Variants in COL24A1 observed in about 807,000 individuals in gnomAD.
The protein encoded by COL24A1 is collagen type XXIV alpha 1 chain, also known as collagen alpha-1(XXIV) chain.
A neutral mutation model predicts 253.9 loss-of-function variants in COL24A1; 224 were observed. That is an observed-to-expected ratio of 0.88 (90% CI 0.79 to 0.99). The LOEUF (loss-of-function observed/expected upper bound fraction) is 0.99, where lower values mean the gene tolerates loss of function less well. Ranked by LOEUF, COL24A1 falls within the 50% of genes least tolerant of loss-of-function variation. The probability of loss-of-function intolerance (pLI) is 0.00; values close to 1 mark genes in which losing one functional copy is unlikely to be tolerated. For missense variants in COL24A1, 2,131 were observed against 2,068.5 expected, an observed-to-expected ratio of 1.03 and a Z score of -0.59; for synonymous variants, 685 against 673.7, an observed-to-expected ratio of 1.02 and a Z score of -0.26.
chr1:85,926,883 T>C (rs554345820), intron 24 of COL24A1, among the ~76,000 whole-genome samples: 4 of 152,064 alleles, frequency 2.6e-5, no homozygotes, highest in Non-Finnish European at 4.4e-5. Flanking sequence ...CAAAGAAAGA[T>C]ACAGAAAATA....
intron 57 of COL24A1, among the ~76,000 whole-genome samples, chr1:85,743,704 C>G (rs951136474): frequency 6.6e-6 from 1 of 151,984 alleles, no homozygotes; most frequent in Non-Finnish European, 1.5e-5. Flanking sequence ...CTTTAATGCC[C>G]TCAAATATGG....
chr1:85,838,179 AG>A (rs1321469943), intron 43 of COL24A1, among the ~76,000 whole-genome samples: 1 of 120,836 alleles, frequency 8.3e-6, no homozygotes, highest in African/African-American at 3.5e-5. Context: ...ATGAGAGACA[AG>A]ATTTTTTTTC....
chr1:85,902,263 T>G (rs887233297), intron 28 of COL24A1, among the ~76,000 whole-genome samples: 4 of 152,204 alleles, frequency 2.6e-5, no homozygotes, highest in African/African-American at 9.7e-5. Flanking sequence ...GGCTACCTTC[T>G]CCATACCAGT....
intron 1 of COL24A1, among the ~76,000 whole-genome samples, chr1:86,152,953 G>A (rs1652975571): frequency 6.6e-6 from 1 of 152,080 alleles, no homozygotes; most frequent in Non-Finnish European, 1.5e-5. Context: ...ACCTCTGCTT[G>A]TTAAACATGG....
intron 18 of COL24A1, among the ~76,000 whole-genome samples, chr1:86,018,313 T>C (rs886979923): frequency 2.0e-4 from 30 of 152,318 alleles, no homozygotes; most frequent in African/African-American, 6.5e-4. Context: ...CATAAACTAC[T>C]GCAATCAAAT....
At position 85,759,945 on chromosome 1, in the gene COL24A1, T is replaced by C. The variant is rs548998126; in HGVS notation, c.4437+1451A>G. On this transcript the variant is annotated intron_variant, in intron 55 of 59. Coordinates refer to ENST00000370571, the MANE Select transcript of COL24A1 (RefSeq NM_152890.7). ...GAGCTATGATATATCAAAGTCATTA[T>C]AATTTGGGAAGGCAATTAATGAGGG... Among the ~76,000 whole-genome samples, 5 of 152,366 alleles carry C rather than the reference T, an allele frequency of 3.3e-5. No individual in the cohort carries two copies. In the East Asian group the frequency reaches 9.6e-4, roughly 29 times the overall value.
chr1:86,148,137 C>A (rs1373811458), intron 1 of COL24A1, among the ~76,000 whole-genome samples: 4 of 152,150 alleles, frequency 2.6e-5, no homozygotes, highest in Non-Finnish European at 4.4e-5. Context: ...CTTTTTACCC[C>A]TTGGCTGCAC....
At chr1:86,156,028 T>C (rs1653553453) in intron 1 of COL24A1, 1 of 273,202 alleles carries the variant, frequency 3.7e-6, no homozygotes, top group African/African-American at 2.2e-5. Context: ...AGAGAGATCG[T>C]CGGAGCCCAG....
chr1:86,106,720 C>T (rs1363240768), intron 5 of COL24A1, among the ~76,000 whole-genome samples: 1 of 151,988 alleles, frequency 6.6e-6, no homozygotes, highest in Non-Finnish European at 1.5e-5. Flanking sequence ...AGAAAAAAGC[C>T]ATTCTCTCTG....
chr1:85,907,172 C>A, intron 28 of COL24A1, 22 bp downstream of exon 28: 1 of 1,603,234 alleles, frequency 6.2e-7, no homozygotes, highest in Non-Finnish European at 8.5e-7. Context: ...GGTTAATGTA[C>A]TTTTTTCCTT....
At chr1:85,863,482 T>C (rs1679403325) in intron 37 of COL24A1, among the ~76,000 whole-genome samples, 1 of 152,146 alleles carries the variant, frequency 6.6e-6, no homozygotes. Flanking sequence ...ATTCAGGACA[T>C]AGGCATGGGC....
chr1:86,050,429 A>T (rs1013279037), intron 10 of COL24A1, among the ~76,000 whole-genome samples: 1 of 152,156 alleles, frequency 6.6e-6, no homozygotes, highest in Admixed American at 6.6e-5. Flanking sequence ...TCCTTCACTA[A>T]ATTTTATAGC....
At position 85,868,538 on chromosome 1, in the gene COL24A1, G is replaced by C. The variant is rs1427489024; in HGVS notation, c.3281C>G (p.Ser1094Ter). 2.5e-6 allele frequency: 4 copies of C among 1,613,642 alleles called. No homozygotes were observed. The highest frequency in any genetic ancestry group is 3.3e-4 in the Middle Eastern group (2 of 6,058). ...LPGIIGPLGR[S>*]GQTGLPGPEG... ...ACTTACCGGAAGGCCTGTTTGGCCT[G>C]ATCTACCCAAGGGTCCTATAATTCC... Residue 1094 changes from serine (S) to a stop codon, truncating the protein, a stop_gained, in exon 37 of 60, where the codon TCA becomes TGA. Coordinates refer to ENST00000370571, the MANE Select transcript of COL24A1 (RefSeq NM_152890.7). LOFTEE classifies it high-confidence loss of function.
Position 86,141,862 on chromosome 1 carries a change from G to A in COL24A1, c.121+4257C>T, listed in dbSNP as rs115301731. ...ATTACAGGCATATGCCACCACATCCGGCTAATGTTTTTGTATTTTCCAGTA... is the reference window on the plus strand; with the variant it reads ...ATTACAGGCATATGCCACCACATCCAGCTAATGTTTTTGTATTTTCCAGTA... On this transcript the variant is annotated intron_variant, in intron 2 of 59. Transcript: ENST00000370571. 3.6e-3 allele frequency among the ~76,000 whole-genome samples: 551 copies of A among 152,034 alleles called. 1 individual carries two copies. The highest frequency in any genetic ancestry group is 5.2e-3 in the Non-Finnish European group (356 of 67,994).
chr1:85,816,641 A>G (rs989681875), intron 47 of COL24A1, 147 bp downstream of exon 47: 1 of 629,162 alleles, frequency 1.6e-6, no homozygotes, highest in African/African-American at 1.8e-5. Context: ...GAAATCCTAA[A>G]TACAACTGCA....
At chr1:85,993,331 A>G (rs147966326) in intron 19 of COL24A1, among the ~76,000 whole-genome samples, 1 of 152,232 alleles carries the variant, frequency 6.6e-6, no homozygotes, top group Admixed American at 6.5e-5. Context: ...GTAAGTGGAT[A>G]AACTTATACA....
intron 24 of COL24A1, among the ~76,000 whole-genome samples, chr1:85,917,045 A>G (rs1685961404): frequency 6.6e-6 from 1 of 152,198 alleles, no homozygotes; most frequent in Non-Finnish European, 1.5e-5. Flanking sequence ...CAATAAAGAA[A>G]ACTCTTGAAT....
At chr1:86,146,320 T>C (rs1165702662) in intron 1 of COL24A1, 137 bp from the exon 2 acceptor site, 2 of 669,532 alleles carry the variant, frequency 3.0e-6, no homozygotes, top group South Asian at 2.7e-5. Context: ...TTCATAGTGG[T>C]TAAGACCAAA....
At chr1:86,016,514 A>G (rs1697007977) in intron 19 of COL24A1, among the ~76,000 whole-genome samples, 1 of 152,228 alleles carries the variant, frequency 6.6e-6, no homozygotes, top group African/African-American at 2.4e-5. Context: ...AGGCACACAC[A>G]TATCAATATG....
Sources: gnomAD v4.1 joint callset for allele counts (sites outside exome capture counted in the v4.1 genomes callset) on GRCh38, gnomAD v4.1.1 for gene constraint, MANE v1.5 for transcripts, NCBI Gene and HGNC (gene_info 2026-07-23, HGNC 2026-07-21) for gene names.